SMIM14: variants seen among roughly 807,000 people sequenced by gnomAD.
SMIM14 encodes chromosome 4 open reading frame 34.
Under a neutral mutation model 12.6 loss-of-function variants are expected in SMIM14, and 5 were observed. That is an observed-to-expected ratio of 0.40 (90% confidence interval 0.21 to 0.83). SMIM14 has a LOEUF of 0.83. SMIM14 is among the 40% of genes least tolerant of loss of function. The pLI, the probability that SMIM14 is intolerant of heterozygous loss-of-function variation, is 0.37. For missense variants in SMIM14, 86 were observed against 119.1 expected (o/e 0.72, Z 1.29); for synonymous variants, 30 against 40.1 (o/e 0.75, Z 0.95).
intron 3 of SMIM14, among the ~76,000 whole-genome samples, chr4:39,563,379 C>T (rs1315148608): frequency 1.3e-5 from 2 of 152,130 alleles, no homozygotes; most frequent in African/African-American, 4.8e-5. Flanking sequence ...TTTCTCTAGC[C>T]AAGGATTCCC....
At chr4:39,610,102 C>G (rs957070715) in intron 1 of SMIM14, among the ~76,000 whole-genome samples, 1 of 152,110 alleles carries the variant, frequency 6.6e-6, no homozygotes, top group Non-Finnish European at 1.5e-5. Flanking sequence ...GTGATCCTTC[C>G]CTCTCAGCCT....
At chr4:39,638,700 G>C (rs1716198316) in intron 1 of SMIM14, 39 bp downstream of exon 1, 2 of 985,354 alleles carry the variant, frequency 2.0e-6, no homozygotes, top group African/African-American at 3.5e-5. Flanking sequence ...AGGGGAGGGT[G>C]AGCCAGCAAA....
At chr4:39,597,203 A>G (rs1714407769) in intron 2 of SMIM14, among the ~76,000 whole-genome samples, 1 of 145,366 alleles carries the variant, frequency 6.9e-6, no homozygotes, top group African/African-American at 2.6e-5. Flanking sequence ...GGTTGTTGTG[A>G]TTGGCTTGCA....
intron 2 of SMIM14, among the ~76,000 whole-genome samples, chr4:39,586,582 C>T (rs1247859526): frequency 1.3e-5 from 2 of 152,072 alleles, no homozygotes; most frequent in Non-Finnish European, 2.9e-5. Context: ...TCTCTTCTTG[C>T]TGAGCTCTCT....
chr4:39,600,133 T>C (rs914721902), intron 2 of SMIM14, among the ~76,000 whole-genome samples: 4 of 152,110 alleles, frequency 2.6e-5, no homozygotes, highest in Non-Finnish European at 4.4e-5. Context: ...ATGAGCATCT[T>C]AGCCCAGCTG....
At chr4:39,607,424 C>T (rs1016903239) in intron 1 of SMIM14, among the ~76,000 whole-genome samples, 2 of 152,120 alleles carry the variant, frequency 1.3e-5, no homozygotes, top group Non-Finnish European at 2.9e-5. Flanking sequence ...CATAAATTCA[C>T]TCAAAAATAT....
intron 2 of SMIM14, among the ~76,000 whole-genome samples, chr4:39,602,531 G>A (rs759001032): frequency 1.3e-5 from 2 of 152,116 alleles, no homozygotes; most frequent in Non-Finnish European, 2.9e-5. Flanking sequence ...GGAGGCAGAC[G>A]TTGCAGTGAG....
At chr4:39,595,313 C>T (rs2110044981) in intron 2 of SMIM14, among the ~76,000 whole-genome samples, 1 of 145,208 alleles carries the variant, frequency 6.9e-6, no homozygotes, top group Non-Finnish European at 1.5e-5. Flanking sequence ...AACAAAAAAC[C>T]AAACACCGCA....
At chr4:39,569,755 G>GA (rs915528242) in intron 3 of SMIM14, among the ~76,000 whole-genome samples, 1 of 151,700 alleles carries the variant, frequency 6.6e-6, no homozygotes, top group African/African-American at 2.4e-5. Context: ...AAGAAAAAAA[G>GA]AAAAAAAGAA....
intron 2 of SMIM14, among the ~76,000 whole-genome samples, chr4:39,584,481 CAAAA>C (rs554273493): frequency 0.017 from 472 of 27,632 alleles, 8 homozygotes; most frequent in African/African-American, 0.031. Context: ...GACACTGTCT[CAAAA>C]AAAAAAAAAA....
intron 3 of SMIM14, among the ~76,000 whole-genome samples, chr4:39,556,837 G>C (rs1028719429): frequency 9.2e-5 from 14 of 152,042 alleles, no homozygotes; most frequent in Non-Finnish European, 5.9e-5. Flanking sequence ...AAACAGGCTG[G>C]AGTGCGGTGG....
chr4:39,582,149 G>C (rs959929200), intron 2 of SMIM14, among the ~76,000 whole-genome samples: 4 of 152,002 alleles, frequency 2.6e-5, no homozygotes, highest in African/African-American at 9.7e-5. Context: ...GGGATTACAG[G>C]AATGAGCCAC....
chr4:39,599,947 A>G (rs867687333), intron 2 of SMIM14, among the ~76,000 whole-genome samples: 225 of 152,108 alleles, frequency 1.5e-3, no homozygotes, highest in African/African-American at 5.1e-3. Flanking sequence ...AAAAAAAAAA[A>G]AAAAGAAAAA....
rs1436675514 is a variant in SMIM14 at position 39,597,084 on chromosome 4, C to CTTTTTTTTTTTTTTTTTTTTT, written c.75+7986_75+7987insAAAAAAAAAAAAAAAAAAAAA. ...AGCCACGGTGCCCGGCCCAGGTTTC[C>CTTTTTTTTTTTTTTTTTTTTT]CTTTTTTTTTTTTTTTTTTTTTAGC... On this transcript the variant is annotated intron_variant, in intron 2 of 4. Transcript: ENST00000295958. Among the ~76,000 whole-genome samples the CTTTTTTTTTTTTTTTTTTTTT allele has an allele frequency of 2.3e-5, 3 of 133,258 alleles. 1 individual carries two copies. The highest frequency in any genetic ancestry group is 5.7e-5 in the African/African-American group (2 of 35,348). 87.4% of individuals were successfully genotyped at this position (133,258 alleles called of 152,430 possible). A position where few individuals can be genotyped will look rare whatever the true frequency, so the allele number is the denominator to read the frequency against.
intron 1 of SMIM14, among the ~76,000 whole-genome samples, chr4:39,614,256 G>A (rs1248528425): frequency 6.7e-6 from 1 of 149,892 alleles, no homozygotes; most frequent in East Asian, 1.9e-4. Context: ...AGGCATAGAT[G>A]AAATAAAACG....
At chr4:39,571,761 G>A (rs763474250) in intron 3 of SMIM14, among the ~76,000 whole-genome samples, 3 of 151,806 alleles carry the variant, frequency 2.0e-5, no homozygotes, top group Admixed American at 1.3e-4. Flanking sequence ...GGATATACCC[G>A]AATTTGTCAA....
chr4:39,567,600 G>A (rs1712646432), intron 3 of SMIM14, among the ~76,000 whole-genome samples: 1 of 152,112 alleles, frequency 6.6e-6, no homozygotes, highest in Non-Finnish European at 1.5e-5. Flanking sequence ...AGCCGGGTGT[G>A]GTGGCAGGCG....
chr4:39,626,030 AAGCATTACCACCTG>A (rs994811291), intron 1 of SMIM14, among the ~76,000 whole-genome samples: 11 of 152,234 alleles, frequency 7.2e-5, no homozygotes, highest in African/African-American at 2.4e-4. Flanking sequence ...GCGGGCCAGC[AAGCATTACCACCTG>A]AGCATTACCA....
intron 2 of SMIM14, among the ~76,000 whole-genome samples, chr4:39,579,595 C>T (rs548115343): frequency 4.6e-5 from 7 of 151,538 alleles, no homozygotes; most frequent in Admixed American, 2.0e-4. Flanking sequence ...GTAATCCCAG[C>T]GCTTTGAAAG....
Sources: allele counts gnomAD v4.1 joint callset (sites outside exome capture counted in the v4.1 genomes callset), GRCh38; gene constraint gnomAD v4.1.1; transcripts MANE v1.5; gene names NCBI Gene and HGNC (gene_info 2026-07-23, HGNC 2026-07-21).